The following RBFOX1 variants were observed in gnomAD, a reference collection of about 807,000 sequenced individuals.
The protein encoded by RBFOX1 is RNA binding fox-1 homolog 1.
Under a neutral mutation model 57.7 loss-of-function variants are expected in RBFOX1, and 8 were observed. The observed-to-expected ratio is 0.14, with a 90% CI of 0.08 to 0.25. The LOEUF is 0.25. RBFOX1 is among the 10% of genes least tolerant of loss of function. RBFOX1 has a pLI of 1.00. For synonymous variants in RBFOX1, 326 were observed against 222.4 expected (o/e 1.47, Z -4.15); for missense variants, 611 against 548.5 (o/e 1.11, Z -1.14).
In RBFOX1 at chr16:6,523,353, G is replaced by A. The variant is rs114720979; in HGVS notation, c.-63-131250G>A. Among the ~76,000 whole-genome samples, 607 of 152,274 alleles carry A rather than the reference G, an allele frequency of 4.0e-3. 3 individuals carry two copies. The highest frequency in any genetic ancestry group is 0.014 in the African/African-American group (567 of 41,554). On this transcript the variant is annotated intron_variant, in intron 2 of 15. Coordinates refer to ENST00000550418, the MANE Select transcript of RBFOX1 (RefSeq NM_018723.4). ...GACGACAGAGGTGTTTAGATGGTTT[G>A]GTGTGGGGCTGAGGGGCATCGGAAG... is the stretch of plus-strand genomic sequence containing the variant.
At chr16:6,154,610 CTTG>C (rs1432378614) in intron 1 of RBFOX1, among the ~76,000 whole-genome samples, 2 of 152,060 alleles carry the variant, frequency 1.3e-5, no homozygotes, top group Admixed American at 6.6e-5. Context: ...TGTTTATTTC[CTTG>C]GAGAGAGAAT....
intron 4 of RBFOX1, among the ~76,000 whole-genome samples, chr16:5,908,731 C>G (rs1044264733): frequency 6.6e-6 from 1 of 152,082 alleles, no homozygotes; most frequent in Non-Finnish European, 1.5e-5. Context: ...TGGGCCCCTG[C>G]TATAGACTGA....
intron 4 of RBFOX1, among the ~76,000 whole-genome samples, chr16:7,165,437 T>G (rs1468458611): frequency 7.4e-6 from 1 of 134,716 alleles, no homozygotes; most frequent in African/African-American, 3.0e-5. Context: ...TTATTATTAT[T>G]TTACCATTTG....
chr16:5,560,408 C>A (rs986764543), intron 2 of RBFOX1, among the ~76,000 whole-genome samples: 1 of 152,106 alleles, frequency 6.6e-6, no homozygotes, highest in Non-Finnish European at 1.5e-5. Flanking sequence ...TAACCTGACT[C>A]CCCAAGTTTG....
intron 3 of RBFOX1, among the ~76,000 whole-genome samples, chr16:7,019,992 T>TC (rs1391658522): frequency 6.6e-5 from 10 of 151,456 alleles, no homozygotes; most frequent in African/African-American, 2.4e-4. Flanking sequence ...TTTTTTTTTT[T>TC]TCTCTGATGA....
intron 3 of RBFOX1, among the ~76,000 whole-genome samples, chr16:6,858,167 A>C (rs1306404711): frequency 6.6e-6 from 1 of 152,218 alleles, no homozygotes; most frequent in African/African-American, 2.4e-5. Flanking sequence ...ATTTGAAGGA[A>C]GAAATAGCTC....
At chr16:6,908,504 G>A (rs1010207725) in intron 3 of RBFOX1, among the ~76,000 whole-genome samples, 1 of 152,112 alleles carries the variant, frequency 6.6e-6, no homozygotes, top group Admixed American at 6.5e-5. Flanking sequence ...GTATTTCCGG[G>A]TTATAGCTGA....
intron 3 of RBFOX1, among the ~76,000 whole-genome samples, chr16:5,813,715 A>T (rs929620559): frequency 2.0e-5 from 3 of 152,194 alleles, no homozygotes; most frequent in Non-Finnish European, 4.4e-5. Flanking sequence ...TGAGGAGCTG[A>T]TATATCATGC....
chr16:5,311,362 A>G (rs1012674707), intron 1 of RBFOX1, among the ~76,000 whole-genome samples: 3 of 152,210 alleles, frequency 2.0e-5, no homozygotes, highest in Non-Finnish European at 4.4e-5. Context: ...TGCAATAAAC[A>G]TATGTATGCA....
chr16:5,866,700 G>A (rs890453159), intron 3 of RBFOX1, among the ~76,000 whole-genome samples: 2 of 152,150 alleles, frequency 1.3e-5, no homozygotes, highest in East Asian at 3.8e-4. Flanking sequence ...CCCGACTTTG[G>A]AAAAGTTACC....
chr16:7,120,193 A>G (rs1389333549), intron 4 of RBFOX1, among the ~76,000 whole-genome samples: 1 of 152,126 alleles, frequency 6.6e-6, no homozygotes. Flanking sequence ...AGCAGTGCTT[A>G]GAGGGAAATA....
intron 4 of RBFOX1, among the ~76,000 whole-genome samples, chr16:7,508,256 G>A (rs13330353): frequency 0.048 from 7,236 of 152,182 alleles, 591 homozygotes; most frequent in African/African-American, 0.16. Flanking sequence ...GGGATTACAA[G>A]CGTGAGCCAC....
chr16:5,452,725 C>T (rs1204680116), intron 1 of RBFOX1, among the ~76,000 whole-genome samples: 1 of 151,864 alleles, frequency 6.6e-6, no homozygotes, highest in African/African-American at 2.4e-5. Context: ...CTCACTGCAA[C>T]CTCCGCCTCC....
intron 9 of RBFOX1, among the ~76,000 whole-genome samples, chr16:7,600,379 C>G (rs1266954113): frequency 1.3e-5 from 2 of 152,142 alleles, no homozygotes; most frequent in East Asian, 3.8e-4. Context: ...CCAAGCTATC[C>G]CAAGTTTCAA....
At chr16:6,686,512 T>A (rs940221966) in intron 3 of RBFOX1, among the ~76,000 whole-genome samples, 1 of 152,210 alleles carries the variant, frequency 6.6e-6, no homozygotes, top group African/African-American at 2.4e-5. Flanking sequence ...GTGAAATTGG[T>A]GTTCTTCCAT....
chr16:5,962,930 C>T (rs1334649851), intron 4 of RBFOX1, among the ~76,000 whole-genome samples: 2 of 150,896 alleles, frequency 1.3e-5, no homozygotes, highest in Non-Finnish European at 2.9e-5. Flanking sequence ...GACAGAGATC[C>T]AAGTTCAATA....
intron 4 of RBFOX1, among the ~76,000 whole-genome samples, chr16:7,126,034 G>A (rs1444652286): frequency 2.0e-5 from 3 of 152,148 alleles, no homozygotes; most frequent in Non-Finnish European, 2.9e-5. Flanking sequence ...AGTGAGCTGA[G>A]ATCGCACCAT....
intron 2 of RBFOX1, among the ~76,000 whole-genome samples, chr16:6,413,265 G>C (rs1280127050): frequency 3.9e-4 from 59 of 150,898 alleles, no homozygotes; most frequent in Non-Finnish European, 4.4e-5. Flanking sequence ...GTTGTGGTGA[G>C]CTGAGATGGT....
intron 6 of RBFOX1, among the ~76,000 whole-genome samples, chr16:7,582,785 G>A (rs2093875820): frequency 6.6e-6 from 1 of 152,150 alleles, no homozygotes; most frequent in South Asian, 2.1e-4. Context: ...GACAATTACA[G>A]AGAAAAACAG....
Sources: gnomAD v4.1 joint callset for allele counts (sites outside exome capture counted in the v4.1 genomes callset) on GRCh38, gnomAD v4.1.1 for gene constraint, MANE v1.5 for transcripts, NCBI Gene and HGNC (gene_info 2026-07-23, HGNC 2026-07-21) for gene names.